Variants in CELA1 observed in about 807,000 individuals in gnomAD.
CELA1 encodes the protein chymotrypsin like elastase 1.
Under a neutral mutation model 34.8 loss-of-function variants are expected in CELA1, and 28 were observed. The ratio of observed to expected loss-of-function variants is 0.80; its 90% confidence interval spans 0.60 to 1.10. The LOEUF (loss-of-function observed/expected upper bound fraction) is 1.10, where lower values mean the gene tolerates loss of function less well. Among genes scored for constraint, CELA1 ranks in the 50% least tolerant of loss-of-function variants. CELA1 has a pLI of 0.00. For synonymous variants in CELA1, 140 were observed against 129.8 expected, an observed-to-expected ratio of 1.08 and a Z score of -0.53; for missense variants, 288 against 327.5, an observed-to-expected ratio of 0.88 and a Z score of 0.93.
intron 7 of CELA1, 50 bp downstream of exon 7, chr12:51,329,634 C>T (rs760394643): frequency 7.2e-6 from 11 of 1,519,478 alleles, no homozygotes; most frequent in African/African-American, 1.4e-5. Context: ...CCAGCCAGTG[C>T]GTAGGTCTCC....
intron 6 of CELA1, among the ~76,000 whole-genome samples, chr12:51,334,161 C>T (rs1592295786): frequency 3.3e-5 from 5 of 152,288 alleles, no homozygotes; most frequent in African/African-American, 1.2e-4. Flanking sequence ...GAAAAGTACT[C>T]GTTTTTTTAG....
intron 6 of CELA1, among the ~76,000 whole-genome samples, chr12:51,334,156 G>A (rs1946487856): frequency 6.6e-6 from 1 of 152,212 alleles, no homozygotes; most frequent in Non-Finnish European, 1.5e-5. Context: ...CAGAAGAAAA[G>A]TACTCGTTTT....
intron 6 of CELA1, among the ~76,000 whole-genome samples, chr12:51,330,843 G>A (rs1273671532): frequency 2.6e-5 from 4 of 151,598 alleles, no homozygotes; most frequent in Admixed American, 6.6e-5. Context: ...GGTGGTGGGC[G>A]CCTGTAGTCC....
rs759534272 is a variant in CELA1, at chr12:51,343,829, C to T, written c.124G>A (p.Gly42Ser). 38 of 1,603,416 alleles carry T rather than the reference C, an allele frequency of 2.4e-5. No individual in the cohort carries two copies. Among genetic ancestry groups the T allele is most frequent in the Non-Finnish European group, 2.8e-5 (33 of 1,171,766 alleles). ...CCTCCACAGGTGTGATACCGGGAAC[C>T]TCCAGACCGGTACTGGAGGGAAATC... ...SQISLQYRSGGSRYHTCGGTL... is the reference protein window; with the variant it reads ...SQISLQYRSGSSRYHTCGGTL... The change falls in exon 3 of 8, where the codon GGT becomes AGT. Residue 42 changes from glycine (G) to serine (S), a missense_variant. Gly to Ser is a moderately conservative substitution (Grantham distance 56). Coordinates refer to ENST00000293636, the MANE Select transcript of CELA1 (RefSeq NM_001971.6).
At position 51,341,304 on chromosome 12, in the gene CELA1, C is replaced by G. The variant is rs754162384; in HGVS notation, c.403G>C (p.Glu135Gln). The G allele has an allele frequency of 1.9e-6, 3 of 1,614,086 alleles. No individual in the cohort carries two copies. In the South Asian group the frequency reaches 3.3e-5, roughly 18 times the overall value. The change falls in exon 5 of 8, where the codon GAG becomes CAG. Residue 135 changes from glutamate (E) to glutamine (Q), a missense_variant. Glu to Gln is a conservative substitution (Grantham distance 29). Coordinates refer to ENST00000293636, the MANE Select transcript of CELA1 (RefSeq NM_001971.6). Reference sequence around the variant, plus strand: ...CTGTTGTTAGCCAGGATGGCTCCCTCCTGGGGCAGAACACCCAGCTGGACA... The same window carrying G: ...CTGTTGTTAGCCAGGATGGCTCCCTGCTGGGGCAGAACACCCAGCTGGACA... ...SYVQLGVLPQEGAILANNSPC... is the reference protein window; with the variant it reads ...SYVQLGVLPQQGAILANNSPC...
At chr12:51,337,978 C>G (rs950227026) in intron 6 of CELA1, among the ~76,000 whole-genome samples, 3 of 151,440 alleles carry the variant, frequency 2.0e-5, no homozygotes, top group Non-Finnish European at 4.4e-5. Context: ...GTAATCCCAG[C>G]ACTTTGGGAG....
At chr12:51,331,270 T>A (rs1487126554) in intron 6 of CELA1, among the ~76,000 whole-genome samples, 1 of 152,056 alleles carries the variant, frequency 6.6e-6, no homozygotes, top group Non-Finnish European at 1.5e-5. Context: ...ATGCCTGTAA[T>A]CCCAGTTACT....
intron 4 of CELA1, 56 bp from the exon 5 acceptor site, chr12:51,341,436 C>A: frequency 6.3e-7 from 1 of 1,592,762 alleles, no homozygotes; most frequent in Non-Finnish European, 8.6e-7. Flanking sequence ...CTGAGGTCAG[C>A]ATATACACTG....
intron 6 of CELA1, among the ~76,000 whole-genome samples, chr12:51,336,819 C>A (rs1024556654): frequency 6.6e-6 from 1 of 152,158 alleles, no homozygotes; most frequent in African/African-American, 2.4e-5. Context: ...CCAGATCCTC[C>A]TCCTTCCCTC....
intron 1 of CELA1, 27 bp downstream of exon 1, chr12:51,346,596 G>C: frequency 8.3e-7 from 1 of 1,205,054 alleles, no homozygotes; most frequent in Non-Finnish European, 1.2e-6. Context: ...AAAGGACCAG[G>C]GTTGCGACTG....
rs778879224 is a variant in CELA1 at position 51,346,629 on chromosome 12, GGA to G, written c.8_9del (p.Val3AlafsTer21). Reference protein sequence around the residue: MLVLYGHSTQDLP... With the variant: MLXLYGHSTQDLP... ...CTGGACCATATCCACTTACCATAAAGGACCAGCATGTTGCCGATGGAGTAGAC... is the reference window on the plus strand; with the variant it reads ...CTGGACCATATCCACTTACCATAAAGCCAGCATGTTGCCGATGGAGTAGAC... On this transcript the variant is annotated frameshift_variant, in exon 1 of 8. Transcript: ENST00000293636. LOFTEE classifies it high-confidence loss of function. The G allele has an allele frequency of 2.0e-6, 3 of 1,475,944 alleles. No individual in the cohort carries two copies. Among genetic ancestry groups the G allele is most frequent in the Admixed American group, 2.1e-5 (1 of 46,984 alleles). The allele number at this position is 1,475,944 out of a possible 1,614,324, so 91.4% of individuals were successfully genotyped here.
intron 2 of CELA1, 44 bp from the exon 3 acceptor site, chr12:51,343,897 A>C: frequency 3.6e-5 from 42 of 1,150,832 alleles, no homozygotes; most frequent in Non-Finnish European, 4.9e-5. Context: ...GGTGTTTCTC[A>C]AATGGTTTTG....
intron 6 of CELA1, among the ~76,000 whole-genome samples, chr12:51,333,561 T>G (rs1221740237): frequency 6.6e-6 from 1 of 151,992 alleles, no homozygotes; most frequent in Non-Finnish European, 1.5e-5. Context: ...CCCGGCTAAT[T>G]TTTTAAATTT....
At chr12:51,342,761 TAGAGA>T in intron 3 of CELA1, 61 bp from the exon 4 acceptor site, 6 of 1,545,788 alleles carry the variant, frequency 3.9e-6, no homozygotes, top group Non-Finnish European at 5.2e-6. Context: ...CTACCCCACT[TAGAGA>T]AAAGTTGAAA....
intron 6 of CELA1, among the ~76,000 whole-genome samples, chr12:51,335,066 G>A (rs574511038): frequency 1.5e-4 from 23 of 152,208 alleles, no homozygotes; most frequent in African/African-American, 4.8e-4. Context: ...GCCAACGTTC[G>A]GCTACCAAAT....
chr12:51,331,652 C>A (rs950736108), intron 6 of CELA1, among the ~76,000 whole-genome samples: 1 of 152,126 alleles, frequency 6.6e-6, no homozygotes, highest in African/African-American at 2.4e-5. Flanking sequence ...AGGAAATCAA[C>A]AAATAAACAA....
At chr12:51,339,415 G>A (rs1225646930) in intron 6 of CELA1, among the ~76,000 whole-genome samples, 1 of 152,188 alleles carries the variant, frequency 6.6e-6, no homozygotes, top group Non-Finnish European at 1.5e-5. Context: ...AGCCGGGCGT[G>A]GTGGTGCATG....
intron 3 of CELA1, 112 bp from the exon 4 acceptor site, chr12:51,342,812 ATTTT>A: frequency 7.1e-6 from 7 of 990,846 alleles, no homozygotes; most frequent in East Asian, 6.6e-5. Flanking sequence ...TATTTAGGAA[ATTTT>A]TTTTTTTTTT....
At chr12:51,339,514 G>A (rs1411413961) in intron 6 of CELA1, among the ~76,000 whole-genome samples, 2 of 152,058 alleles carry the variant, frequency 1.3e-5, no homozygotes, top group Admixed American at 6.5e-5. Context: ...TCGTCCCATT[G>A]CACTCCAGTC....
Sources: allele counts gnomAD v4.1 joint callset (sites outside exome capture counted in the v4.1 genomes callset), GRCh38; gene constraint gnomAD v4.1.1; transcripts MANE v1.5; gene names NCBI Gene and HGNC (gene_info 2026-07-23, HGNC 2026-07-21).